Variants in TMPRSS15 observed in about 807,000 individuals in gnomAD.
TMPRSS15 encodes enteropeptidase.
A neutral mutation model predicts 125.3 loss-of-function variants in TMPRSS15; 128 were observed. The ratio of observed to expected loss-of-function variants is 1.02; its 90% CI spans 0.89 to 1.18. TMPRSS15 has a LOEUF of 1.18. Among genes scored for constraint, TMPRSS15 ranks in the 50% most tolerant of loss-of-function variants. TMPRSS15 has a pLI of 0.00. For synonymous variants in TMPRSS15, 446 were observed against 423.2 expected (o/e 1.05, Z -0.66); for missense variants, 1,283 against 1,212.7 (o/e 1.06, Z -0.86).
At chr21:18,386,251 A>G (rs1345376226) in intron 3 of TMPRSS15, among the ~76,000 whole-genome samples, 1 of 152,148 alleles carries the variant, frequency 6.6e-6, no homozygotes, top group Non-Finnish European at 1.5e-5. Flanking sequence ...AACTTTGCCT[A>G]GGGTTATACA....
intron 10 of TMPRSS15, among the ~76,000 whole-genome samples, chr21:18,344,436 C>T (rs2075483851): frequency 6.6e-6 from 1 of 152,120 alleles, no homozygotes; most frequent in African/African-American, 2.4e-5. Flanking sequence ...TGCTGGTGGA[C>T]TAACTCAGAA....
intron 1 of TMPRSS15, among the ~76,000 whole-genome samples, chr21:18,415,670 A>G (rs1204643022): frequency 6.6e-6 from 1 of 152,066 alleles, no homozygotes; most frequent in African/African-American, 2.4e-5. Context: ...CCATATATGT[A>G]TGAGTTTACA....
intron 10 of TMPRSS15, among the ~76,000 whole-genome samples, chr21:18,348,106 G>A (rs1357995601): frequency 1.3e-5 from 2 of 151,958 alleles, no homozygotes; most frequent in Admixed American, 1.3e-4. Context: ...TATCTCTTGA[G>A]CCCAGGAGTT....
Position 18,269,186 on chromosome 21 carries a change from C to CAT in TMPRSS15, c.*781_*782dup, listed in dbSNP as rs1481032831. On this transcript the variant is annotated 3_prime_UTR_variant, in exon 25 of 25. Coordinates refer to ENST00000284885, the MANE Select transcript of TMPRSS15 (RefSeq NM_002772.3). ...ATTCAGCTGTGTCTAAATAAGTTTT[C>CAT]ATATATTAGAAATATCCACTGTAAC... 6 of 152,124 alleles carry CAT rather than the reference C, an allele frequency of 3.9e-5. No homozygotes were observed. The highest frequency in any genetic ancestry group is 7.4e-5 in the Non-Finnish European group (5 of 68,020). 9.4% of individuals were successfully genotyped at this position (152,124 alleles called of 1,614,324 possible). A position where few individuals can be genotyped will look rare whatever the true frequency, so the allele number is the denominator to read the frequency against.
At chr21:18,403,359 G>T in intron 1 of TMPRSS15, 119 bp downstream of exon 1, 1 of 1,361,450 alleles carries the variant, frequency 7.3e-7, no homozygotes, top group Admixed American at 1.7e-5. Context: ...ATATTAGATT[G>T]AAAGCCCAAA....
At chr21:18,317,002 G>C (rs1432520236) in intron 16 of TMPRSS15, among the ~76,000 whole-genome samples, 1 of 152,108 alleles carries the variant, frequency 6.6e-6, no homozygotes, top group South Asian at 2.1e-4. Context: ...ATATGGGGAA[G>C]CAAAAGCACT....
chr21:18,325,698 G>A (rs1006862800), intron 16 of TMPRSS15, among the ~76,000 whole-genome samples: 9 of 151,706 alleles, frequency 5.9e-5, no homozygotes, highest in Non-Finnish European at 7.4e-5. Context: ...CTGAGTTGCC[G>A]GGCAGTTCTA....
intron 18 of TMPRSS15, among the ~76,000 whole-genome samples, chr21:18,306,026 C>G (rs771949759): frequency 7.0e-4 from 106 of 152,220 alleles, no homozygotes; most frequent in Non-Finnish European, 1.4e-3. Context: ...ACCTTCTGTG[C>G]TGAAGTTGCA....
At chr21:18,447,895 T>A (rs4818412) in intron 1 of TMPRSS15, among the ~76,000 whole-genome samples, 103,126 of 151,992 alleles carry the variant, frequency 0.68, 40,916 homozygotes, top group Middle Eastern at 0.89. Flanking sequence ...ATCAGAGATA[T>A]GTAAATCAAA....
At chr21:18,292,587 G>C (rs1022969897) in intron 21 of TMPRSS15, among the ~76,000 whole-genome samples, 1 of 152,158 alleles carries the variant, frequency 6.6e-6, no homozygotes, top group African/African-American at 2.4e-5. Flanking sequence ...ATTACTGCGA[G>C]CCTGATTGAT....
At chr21:18,457,402 T>G (rs1157990777) in intron 1 of TMPRSS15, among the ~76,000 whole-genome samples, 1 of 152,008 alleles carries the variant, frequency 6.6e-6, no homozygotes, top group East Asian at 1.9e-4. Context: ...GTGCTAAACC[T>G]CTTTATAAAG....
Position 18,269,410 on chromosome 21 carries a change from C to T in TMPRSS15, c.*559G>A, listed in dbSNP as rs1260876597. On this transcript the variant is annotated 3_prime_UTR_variant, in exon 25 of 25. Coordinates refer to ENST00000284885, the MANE Select transcript of TMPRSS15 (RefSeq NM_002772.3). ...AAATCAATTTAGTCCAGGCCTGTGA[C>T]ATAAGCTTACAATAAATAGTTTCTA... 6.5e-6 allele frequency: 1 copy of T among 152,688 alleles called. No homozygotes were observed. The highest frequency in any genetic ancestry group is 1.5e-5 in the Non-Finnish European group (1 of 68,512). 9.5% of individuals were successfully genotyped at this position (152,688 alleles called of 1,614,324 possible).
At chr21:18,355,326 G>A (rs2075614351) in intron 8 of TMPRSS15, among the ~76,000 whole-genome samples, 1 of 151,734 alleles carries the variant, frequency 6.6e-6, no homozygotes, top group Non-Finnish European at 1.5e-5. Flanking sequence ...CCCTTAGTGT[G>A]TTGGATTTCA....
chr21:18,315,846 A>AAT lies in TMPRSS15; in HGVS notation c.1922-592_1922-591dup, dbSNP rs1226922097. On this transcript the variant is annotated intron_variant, in intron 16 of 24. Coordinates refer to ENST00000284885, the MANE Select transcript of TMPRSS15 (RefSeq NM_002772.3). ...TACCCTAGAACTTAAAGTATAATAA[A>AAT]ATATATATATATATAAAATAATAAA... Among the ~76,000 whole-genome samples, 70 of 137,514 alleles carry AAT rather than the reference A, an allele frequency of 5.1e-4. 1 individual carries two copies. The highest frequency in any genetic ancestry group is 9.7e-4 in the African/African-American group (34 of 35,010). The allele number at this position is 137,514 out of a possible 152,430, so 90.2% of individuals were successfully genotyped here.
chr21:18,447,915 A>C (rs1391650163), intron 1 of TMPRSS15, among the ~76,000 whole-genome samples: 1 of 152,168 alleles, frequency 6.6e-6, no homozygotes, highest in Non-Finnish European at 1.5e-5. Context: ...AACCACAATG[A>C]GATATCACTT....
chr21:18,313,933 A>T, intron 17 of TMPRSS15, among the ~76,000 whole-genome samples: 1 of 150,744 alleles, frequency 6.6e-6, no homozygotes, highest in African/African-American at 2.4e-5. Flanking sequence ...ACTTGCTTTT[A>T]TACCATTTGA....
chr21:18,326,630 T>G (rs1156914421), intron 15 of TMPRSS15, 58 bp from the exon 16 acceptor site: 2 of 1,606,918 alleles, frequency 1.2e-6, no homozygotes, highest in African/African-American at 1.3e-5. Context: ...TAGAAGGAAA[T>G]GTACCCCACA....
intron 6 of TMPRSS15, among the ~76,000 whole-genome samples, chr21:18,365,817 C>A (rs979174976): frequency 2.7e-5 from 4 of 146,808 alleles, no homozygotes; most frequent in African/African-American, 1.0e-4. Context: ...GATCTCGGCT[C>A]ACTGCCTCCT....
intron 12 of TMPRSS15, among the ~76,000 whole-genome samples, chr21:18,342,565 G>A (rs17002579): frequency 0.013 from 2,026 of 152,290 alleles, 33 homozygotes; most frequent in African/African-American, 0.046. Flanking sequence ...CGCTCAATGA[G>A]TATAGCCACA....
Sources: allele counts gnomAD v4.1 joint callset (sites outside exome capture counted in the v4.1 genomes callset), GRCh38; gene constraint gnomAD v4.1.1; transcripts MANE v1.5; gene names NCBI Gene and HGNC (gene_info 2026-07-23, HGNC 2026-07-21).